Variants in SKAP1 observed in about 807,000 individuals in gnomAD.
SKAP1 encodes the protein src kinase associated phosphoprotein 1, also known as src kinase-associated phosphoprotein 1.
Under a neutral mutation model 58.5 loss-of-function variants are expected in SKAP1, and 44 were observed. That is an observed-to-expected ratio of 0.75 (90% CI 0.59 to 0.97). The LOEUF (loss-of-function observed/expected upper bound fraction) is 0.97, where lower values mean the gene tolerates loss of function less well. SKAP1 is among the 50% of genes least tolerant of loss of function. SKAP1 has a pLI of 0.00. For missense variants in SKAP1, 390 were observed against 435.2 expected, an observed-to-expected ratio of 0.90 and a Z score of 0.92; for synonymous variants, 127 against 149.7, an observed-to-expected ratio of 0.85 and a Z score of 1.11.
intron 4 of SKAP1, among the ~76,000 whole-genome samples, chr17:48,248,698 C>T (rs2065326154): frequency 6.7e-6 from 1 of 150,154 alleles, no homozygotes; most frequent in African/African-American, 2.4e-5. Flanking sequence ...ATGACAAATG[C>T]AAAAAAAAAT....
chr17:48,280,487 A>G (rs1598505093), intron 4 of SKAP1, among the ~76,000 whole-genome samples: 1 of 152,182 alleles, frequency 6.6e-6, no homozygotes, highest in East Asian at 1.9e-4. Context: ...ACTCTGTCTC[A>G]AAAACAAACA....
chr17:48,182,596 G>GA (rs1287810969), intron 7 of SKAP1, 139 bp from the exon 8 acceptor site: 2 of 611,064 alleles, frequency 3.3e-6, no homozygotes, highest in Non-Finnish European at 5.7e-6. Context: ...TTAACATATA[G>GA]AAAAAAGACC....
chr17:48,226,351 T>G (rs910714304), intron 4 of SKAP1, among the ~76,000 whole-genome samples: 1 of 152,192 alleles, frequency 6.6e-6, no homozygotes, highest in Non-Finnish European at 1.5e-5. Context: ...AGATACGTTT[T>G]TTTTTTCCTT....
At chr17:48,295,904 A>G (rs1329910932) in intron 4 of SKAP1, among the ~76,000 whole-genome samples, 1 of 152,128 alleles carries the variant, frequency 6.6e-6, no homozygotes, top group Non-Finnish European at 1.5e-5. Flanking sequence ...TGTATATACT[A>G]TTTATGTAAA....
rs2065238433 is a variant in SKAP1, at chr17:48,240,964, C to T, written c.281-51464G>A. On this transcript the variant is annotated intron_variant, in intron 4 of 12. Transcript: ENST00000336915. ...TGTACTCTGAGACTAAATCAGGTTG[C>T]CTTTAAAATTCTTCATCTTCAAAGA... Among the ~76,000 whole-genome samples, 5 of 152,264 alleles carry T rather than the reference C, an allele frequency of 3.3e-5. No individual in the cohort carries two copies. In the South Asian group the frequency reaches 1.0e-3, roughly 32 times the overall value.
chr17:48,257,864 G>A (rs1018921645), intron 4 of SKAP1, among the ~76,000 whole-genome samples: 1 of 151,968 alleles, frequency 6.6e-6, no homozygotes, highest in Non-Finnish European at 1.5e-5. Context: ...CTGATAGTTG[G>A]AGCCTCTGAA....
intron 1 of SKAP1, among the ~76,000 whole-genome samples, chr17:48,418,452 AAT>A (rs1191865885): frequency 7.9e-5 from 12 of 152,222 alleles, no homozygotes; most frequent in Non-Finnish European, 1.5e-5. Context: ...AAAAGACTGC[AAT>A]ACCAAATGTT....
At position 48,371,654 on chromosome 17, in the gene SKAP1, C is replaced by CAAAAAAA. The variant is rs71141985; in HGVS notation, c.153-7847_153-7841dup. On this transcript the variant is annotated intron_variant, in intron 2 of 12. Coordinates refer to ENST00000336915, the MANE Select transcript of SKAP1 (RefSeq NM_003726.4). Reference sequence around the variant, plus strand: ...GTAACATGGTGAAACCTTGTCTCCACAAAAAAAAAAAAAAAAAAAAAAAAA... The same window carrying CAAAAAAA: ...GTAACATGGTGAAACCTTGTCTCCACAAAAAAAAAAAAAAAAAAAAAAAAAAAAAAAA... 9.5e-3 allele frequency among the ~76,000 whole-genome samples: 362 copies of CAAAAAAA among 37,924 alleles called. 69 individuals are homozygous for CAAAAAAA. Among genetic ancestry groups the CAAAAAAA allele is most frequent in the African/African-American group, 0.012 (90 of 7,460 alleles). 24.9% of individuals were successfully genotyped at this position (37,924 alleles called of 152,430 possible). A position where few individuals can be genotyped will look rare whatever the true frequency, so the allele number is the denominator to read the frequency against.
chr17:48,171,958 G>C (rs1160856863), intron 9 of SKAP1, among the ~76,000 whole-genome samples: 1 of 152,142 alleles, frequency 6.6e-6, no homozygotes, highest in Non-Finnish European at 1.5e-5. Flanking sequence ...TACTCAGGAG[G>C]CTGAGGCAAG....
intron 4 of SKAP1, among the ~76,000 whole-genome samples, chr17:48,341,497 C>G (rs539217779): frequency 1.3e-5 from 2 of 152,160 alleles, no homozygotes; most frequent in African/African-American, 4.8e-5. Flanking sequence ...CTTAAAAGTG[C>G]TAAAAATAGC....
chr17:48,152,832 C>A (rs2063918223), intron 11 of SKAP1, among the ~76,000 whole-genome samples: 1 of 152,214 alleles, frequency 6.6e-6, no homozygotes, highest in Non-Finnish European at 1.5e-5. Flanking sequence ...ACGTTAACAG[C>A]ATTTGTTATA....
intron 4 of SKAP1, among the ~76,000 whole-genome samples, chr17:48,321,581 T>C (rs1031984766): frequency 1.3e-5 from 2 of 152,004 alleles, no homozygotes; most frequent in Non-Finnish European, 2.9e-5. Flanking sequence ...GGTTTCACCG[T>C]GTTAGCCAGG....
intron 4 of SKAP1, among the ~76,000 whole-genome samples, chr17:48,199,074 A>T (rs1157269131): frequency 6.6e-6 from 1 of 152,180 alleles, no homozygotes; most frequent in Non-Finnish European, 1.5e-5. Flanking sequence ...TCATTTTCAG[A>T]TCTGTTTATT....
chr17:48,165,199 TG>T (rs2064120500), intron 10 of SKAP1, among the ~76,000 whole-genome samples: 1 of 152,112 alleles, frequency 6.6e-6, no homozygotes, highest in South Asian at 2.1e-4. Flanking sequence ...TCTGGCCAAG[TG>T]GGTGTTAAAG....
At chr17:48,169,900 C>T (rs936477617) in intron 10 of SKAP1, among the ~76,000 whole-genome samples, 2 of 152,214 alleles carry the variant, frequency 1.3e-5, no homozygotes, top group East Asian at 1.9e-4. Context: ...GCTCTGCCGA[C>T]GGAACGAATG....
At chr17:48,355,651 A>C (rs1377324522) in intron 3 of SKAP1, among the ~76,000 whole-genome samples, 1 of 151,770 alleles carries the variant, frequency 6.6e-6, no homozygotes, top group Non-Finnish European at 1.5e-5. Flanking sequence ...ACATGGCAAA[A>C]CCCCATCTCT....
intron 4 of SKAP1, chr17:48,196,590 G>T (rs1490780486): frequency 2.0e-5 from 3 of 152,012 alleles, no homozygotes; most frequent in Non-Finnish European, 2.9e-5. Flanking sequence ...GTCTACTGTT[G>T]CCATATTTAT....
At chr17:48,348,040 AT>A (rs141235956) in intron 3 of SKAP1, among the ~76,000 whole-genome samples, 6,724 of 152,270 alleles carry the variant, frequency 0.044, 309 homozygotes, top group South Asian at 0.25. Context: ...CAAATCCACC[AT>A]TAAAGAAAAA....
chr17:48,270,876 T>C (rs988198234), intron 4 of SKAP1, among the ~76,000 whole-genome samples: 1 of 151,882 alleles, frequency 6.6e-6, no homozygotes, highest in African/African-American at 2.4e-5. Flanking sequence ...ACTATAATTA[T>C]TAATGCTGGA....
Sources: allele counts gnomAD v4.1 joint callset (sites outside exome capture counted in the v4.1 genomes callset), GRCh38; gene constraint gnomAD v4.1.1; transcripts MANE v1.5; gene names NCBI Gene and HGNC (gene_info 2026-07-23, HGNC 2026-07-21).